Variants in CTTN observed in about 807,000 individuals in gnomAD.
CTTN encodes the protein src substrate cortactin.
In CTTN, 28 loss-of-function variants were observed where a neutral mutation model predicts 84.0. The ratio of observed to expected loss-of-function variants is 0.33; its 90% CI spans 0.25 to 0.46. CTTN has a LOEUF of 0.46. Among genes scored for constraint, CTTN ranks in the 20% least tolerant of loss-of-function variants. The pLI is 1.00. For missense variants in CTTN, 641 were observed against 723.8 expected (o/e 0.89, Z 1.31); for synonymous variants, 301 against 288.8 (o/e 1.04, Z -0.43).
chr11:70,416,817 A>AC (rs1476784406), intron 7 of CTTN, 196 bp from the exon 8 acceptor site: 51 of 564,200 alleles, frequency 9.0e-5, no homozygotes, highest in Non-Finnish European at 1.2e-4. Context: ...AGGGCCCAGA[A>AC]CCCCCCCATG....
At chr11:70,413,919 C>T (rs1233196586) in intron 5 of CTTN, among the ~76,000 whole-genome samples, 1 of 152,078 alleles carries the variant, frequency 6.6e-6, no homozygotes, top group Non-Finnish European at 1.5e-5. Context: ...CTCACGGATC[C>T]TGCCACAGGC....
intron 5 of CTTN, among the ~76,000 whole-genome samples, chr11:70,411,352 G>A (rs1005026353): frequency 2.3e-5 from 3 of 131,830 alleles, no homozygotes; most frequent in Non-Finnish European, 4.7e-5. Flanking sequence ...ACGGACAGAC[G>A]GAATCCATGT....
At chr11:70,401,424 C>A (rs550556757) in intron 1 of CTTN, among the ~76,000 whole-genome samples, 1 of 150,346 alleles carries the variant, frequency 6.7e-6, no homozygotes, top group Non-Finnish European at 1.5e-5. Flanking sequence ...TGCAGTGAGC[C>A]GAGATCACAC....
At chr11:70,421,807 C>T (rs577818910) in intron 11 of CTTN, 8 of 517,408 alleles carry the variant, frequency 1.5e-5, no homozygotes, top group East Asian at 3.2e-5. Flanking sequence ...TGGCAGGATG[C>T]GCCAGTTAGT....
At chr11:70,404,619 A>G (rs1280503914) in intron 1 of CTTN, among the ~76,000 whole-genome samples, 1 of 152,228 alleles carries the variant, frequency 6.6e-6, no homozygotes, top group African/African-American at 2.4e-5. Flanking sequence ...ATTAATTAGA[A>G]TGAATAAAAA....
intron 14 of CTTN, among the ~76,000 whole-genome samples, chr11:70,430,705 G>A (rs1366200704): frequency 2.0e-5 from 3 of 152,194 alleles, no homozygotes; most frequent in Non-Finnish European, 4.4e-5. Context: ...TCCATCCCAT[G>A]TGCAAACATA....
chr11:70,436,441 A>G lies in CTTN; in HGVS notation c.*1279A>G. The G allele has an allele frequency of 1.9e-6, 3 of 1,589,458 alleles. No individual in the cohort carries two copies. The highest frequency in any genetic ancestry group is 2.6e-6 in the Non-Finnish European group (3 of 1,172,924). On this transcript the variant is annotated 3_prime_UTR_variant, in exon 18 of 18. Transcript: ENST00000301843. ...TTTTGCTCCTGAGGTGCATTTTCTC[A>G]TCATCCTTGCTTTACCACAATGAGC...
chr11:70,422,727 C>T (rs1591444814), intron 11 of CTTN: 2 of 1,453,934 alleles, frequency 1.4e-6, no homozygotes, highest in Admixed American at 2.2e-5. Flanking sequence ...AGCCTCTGCC[C>T]CTGGCCTGTG....
At chr11:70,421,744 G>A (rs556067211) in intron 11 of CTTN, 164 bp downstream of exon 11, 12 of 614,914 alleles carry the variant, frequency 2.0e-5, no homozygotes, top group Non-Finnish European at 3.5e-5. Context: ...CTAGTAGAGC[G>A]ACACTGATTT....
Position 70,435,323 on chromosome 11 carries a change from T to C in CTTN, c.*161T>C. ...TACACATTGCTTTTATATTTAATAC[T>C]TTTGCTGATGCTTTTGAAAATGTTT... On this transcript the variant is annotated 3_prime_UTR_variant, in exon 18 of 18. Transcript: ENST00000301843. 1 of 1,433,344 alleles carries C rather than the reference T, an allele frequency of 7.0e-7. No individual in the cohort carries two copies. Among genetic ancestry groups the C allele is most frequent in the Non-Finnish European group, 9.1e-7 (1 of 1,097,550 alleles). The allele number at this position is 1,433,344 out of a possible 1,614,324, so 88.8% of individuals were successfully genotyped here.
At position 70,417,017 on chromosome 11, in the gene CTTN, C is replaced by T. The variant is rs777767011; in HGVS notation, c.462C>T (p.Tyr154=). The part of the protein sequence containing the change: ...KTEKHASQKD[Y]SSGFGGKYGV... ...ATTGCTGCCCTGTCTCTCCAGACTA[C>T]TCCAGTGGTTTTGGCGGCAAGTATG... The change falls in exon 8 of 18, where the codon TAC becomes TAT. Residue 154 remains tyrosine, a synonymous_variant. Coordinates refer to ENST00000301843, the MANE Select transcript of CTTN (RefSeq NM_005231.4). 6.2e-7 allele frequency: 1 copy of T among 1,613,914 alleles called. No individual in the cohort carries two copies. Among genetic ancestry groups the T allele is most frequent in the South Asian group, 1.1e-5 (1 of 91,086 alleles).
Position 70,417,139 on chromosome 11 carries a change from C to T in CTTN, c.568+16C>T, listed in dbSNP as rs372529558. The T allele has an allele frequency of 2.4e-5, 38 of 1,597,146 alleles. No individual in the cohort carries two copies. The African/African-American group carries it at 2.9e-4, about 12-fold the overall frequency. On this transcript the variant is annotated intron_variant, in intron 8 of 17. Coordinates refer to ENST00000301843, the MANE Select transcript of CTTN (RefSeq NM_005231.4). ...TCACAGAGAGGTGGGGCGGACCCCA[C>T]GGTCTGTAATCACGCGTTTGCTCCA...
At chr11:70,414,495 C>T (rs191857179) in intron 5 of CTTN, 47 bp from the exon 6 acceptor site, 41 of 1,387,842 alleles carry the variant, frequency 3.0e-5, no homozygotes, top group South Asian at 4.7e-5. Flanking sequence ...AGTGAAGCGC[C>T]GCAGTGTTGT....
At chr11:70,420,265 A>C (rs1292919265) in intron 9 of CTTN, 135 bp from the exon 10 acceptor site, 1 of 673,744 alleles carries the variant, frequency 1.5e-6, no homozygotes, top group Non-Finnish European at 2.7e-6. Flanking sequence ...TGTTATCTAA[A>C]GTATTACCAA....
At position 70,436,571 on chromosome 11, in the gene CTTN, A is replaced by G. The variant is rs2058419528; in HGVS notation, c.*1409A>G. 1 of 661,868 alleles carries G rather than the reference A, an allele frequency of 1.5e-6. No individual in the cohort carries two copies. The highest frequency in any genetic ancestry group is 1.8e-5 in the African/African-American group (1 of 54,700). 41.0% of individuals were successfully genotyped at this position (661,868 alleles called of 1,614,324 possible). On this transcript the variant is annotated 3_prime_UTR_variant, in exon 18 of 18. Transcript: ENST00000301843. ...AAGAATTCAGAATAAACATTTTTTG[A>G]TCCACTTGCGTGATTTGCTTTGGTC...
At chr11:70,434,724 G>C (rs1204538849) in intron 17 of CTTN, among the ~76,000 whole-genome samples, 2 of 152,246 alleles carry the variant, frequency 1.3e-5, no homozygotes, top group African/African-American at 4.8e-5. Context: ...CCAGAGAGAG[G>C]GGAAGGGAGG....
chr11:70,417,621 G>A (rs1277754704), intron 8 of CTTN, among the ~76,000 whole-genome samples: 1 of 151,796 alleles, frequency 6.6e-6, no homozygotes, highest in Admixed American at 6.6e-5. Flanking sequence ...TCAGCCTCCC[G>A]GCTAGCCGGG....
chr11:70,434,216 G>T (rs375814000), intron 17 of CTTN, among the ~76,000 whole-genome samples: 3 of 152,352 alleles, frequency 2.0e-5, no homozygotes, highest in South Asian at 2.1e-4. Flanking sequence ...CGCCCGCCCC[G>T]TGTTCCCTCA....
intron 1 of CTTN, among the ~76,000 whole-genome samples, chr11:70,401,850 A>T (rs931898929): frequency 6.6e-6 from 1 of 151,550 alleles, no homozygotes; most frequent in Non-Finnish European, 1.5e-5. Flanking sequence ...AAAAAAGAAA[A>T]AAAAGGCTGG....
Sources: allele counts gnomAD v4.1 joint callset (sites outside exome capture counted in the v4.1 genomes callset), GRCh38; gene constraint gnomAD v4.1.1; transcripts MANE v1.5; gene names NCBI Gene and HGNC (gene_info 2026-07-23, HGNC 2026-07-21).